Variants in GHR observed in about 807,000 individuals in gnomAD.
GHR encodes growth hormone receptor.
GHR carries 35 observed loss-of-function variants against 67.1 expected under a neutral mutation model. The ratio of observed to expected loss-of-function variants is 0.52; its 90% confidence interval spans 0.40 to 0.69. The LOEUF (loss-of-function observed/expected upper bound fraction) is 0.69, where lower values mean the gene tolerates loss of function less well. GHR is among the 30% of genes least tolerant of loss of function. GHR has a pLI of 0.00. For synonymous variants in GHR, 272 were observed against 269.1 expected (o/e 1.01, Z -0.10); for missense variants, 792 against 764.6 (o/e 1.04, Z -0.42).
At chr5:42,641,864 G>T (rs1315403975) in intron 3 of GHR, among the ~76,000 whole-genome samples, 7 of 152,082 alleles carry the variant, frequency 4.6e-5, no homozygotes, top group Non-Finnish European at 1.0e-4. Context: ...TTCCTGTCCT[G>T]CAAACCTCTG....
At chr5:42,636,496 C>G (rs1043601607) in intron 3 of GHR, among the ~76,000 whole-genome samples, 1 of 152,004 alleles carries the variant, frequency 6.6e-6, no homozygotes, top group Non-Finnish European at 1.5e-5. Context: ...AGCTTGTAGC[C>G]CACTGATTTG....
At chr5:42,660,271 T>C (rs1477053776) in intron 3 of GHR, among the ~76,000 whole-genome samples, 3 of 152,188 alleles carry the variant, frequency 2.0e-5, no homozygotes, top group Admixed American at 1.3e-4. Context: ...TCTCCCAGCA[T>C]GCAGCTGGAG....
chr5:42,495,605 C>T (rs994195069), intron 1 of GHR, among the ~76,000 whole-genome samples: 2 of 152,056 alleles, frequency 1.3e-5, no homozygotes, highest in Non-Finnish European at 2.9e-5. Context: ...AAAAAAAATG[C>T]ACTGGTGTCA....
At chr5:42,431,513 G>C (rs1743093941) in intron 1 of GHR, among the ~76,000 whole-genome samples, 1 of 152,174 alleles carries the variant, frequency 6.6e-6, no homozygotes, top group African/African-American at 2.4e-5. Flanking sequence ...GTCAGAAATT[G>C]CTGGCTGCAT....
chr5:42,611,942 A>C (rs1010151557), intron 2 of GHR, among the ~76,000 whole-genome samples: 1 of 152,116 alleles, frequency 6.6e-6, no homozygotes, highest in Non-Finnish European at 1.5e-5. Flanking sequence ...CTATATACTA[A>C]ATGTGTTTGT....
chr5:42,502,550 A>G (rs552704896), intron 1 of GHR, among the ~76,000 whole-genome samples: 4 of 152,114 alleles, frequency 2.6e-5, no homozygotes, highest in African/African-American at 9.6e-5. Context: ...TGGAACTTGA[A>G]AGGAATAATG....
chr5:42,477,967 G>A (rs1293990432), intron 1 of GHR, among the ~76,000 whole-genome samples: 2 of 151,838 alleles, frequency 1.3e-5, no homozygotes, highest in African/African-American at 4.8e-5. Context: ...CCATGCCTAT[G>A]TCCTGAATGG....
intron 3 of GHR, among the ~76,000 whole-genome samples, chr5:42,655,153 G>T (rs998893916): frequency 5.3e-5 from 8 of 152,248 alleles, no homozygotes; most frequent in African/African-American, 1.9e-4. Flanking sequence ...TTCATTATGA[G>T]AATAAGTGCT....
chr5:42,611,443 C>G (rs180858357), intron 2 of GHR, among the ~76,000 whole-genome samples: 4 of 152,286 alleles, frequency 2.6e-5, no homozygotes, highest in African/African-American at 7.2e-5. Flanking sequence ...CCACCACTAT[C>G]TCTTTGTTCA....
intron 1 of GHR, among the ~76,000 whole-genome samples, chr5:42,507,243 G>A (rs940579396): frequency 7.2e-5 from 11 of 152,192 alleles, no homozygotes; most frequent in African/African-American, 2.7e-4. Flanking sequence ...TTTCAGTGAA[G>A]GTTACCATTA....
chr5:42,650,576 A>ACATATATATATATATAT (rs1238563261), intron 3 of GHR, among the ~76,000 whole-genome samples: 29 of 53,352 alleles, frequency 5.4e-4, no homozygotes, highest in African/African-American at 2.2e-3. Flanking sequence ...TTTTACAGAT[A>ACATATATATATATATAT]ACATATATAT....
chr5:42,548,451 A>T, intron 1 of GHR: 4 of 985,092 alleles, frequency 4.1e-6, no homozygotes, highest in Middle Eastern at 5.2e-4. Context: ...AAGGAAATTT[A>T]AAAAGTTCTT....
At chr5:42,590,240 T>C (rs1347797265) in intron 2 of GHR, among the ~76,000 whole-genome samples, 1 of 152,206 alleles carries the variant, frequency 6.6e-6, no homozygotes, top group African/African-American at 2.4e-5. Flanking sequence ...AGTATTAAGC[T>C]AGAGACAACT....
chr5:42,549,539 C>A, intron 1 of GHR: 1 of 300,988 alleles, frequency 3.3e-6, no homozygotes, highest in Non-Finnish European at 4.9e-6. Flanking sequence ...GTTGAAATGT[C>A]CTTGAGCTGA....
intron 3 of GHR, among the ~76,000 whole-genome samples, chr5:42,661,164 A>T (rs1182220846): frequency 6.6e-6 from 1 of 152,232 alleles, no homozygotes; most frequent in East Asian, 1.9e-4. Flanking sequence ...AATGGAACCA[A>T]GTTGGAAAAC....
intron 6 of GHR, among the ~76,000 whole-genome samples, chr5:42,702,371 C>A (rs1256023319): frequency 6.6e-6 from 1 of 152,062 alleles, no homozygotes; most frequent in Non-Finnish European, 1.5e-5. Flanking sequence ...TCACAAGTGA[C>A]AGGATATCCT....
intron 1 of GHR, among the ~76,000 whole-genome samples, chr5:42,436,172 C>T (rs1743314862): frequency 6.6e-6 from 1 of 152,194 alleles, no homozygotes; most frequent in Non-Finnish European, 1.5e-5. Flanking sequence ...GGCACATAGC[C>T]TTGAGTAACT....
chr5:42,498,486 G>T (rs1409754720), intron 1 of GHR, among the ~76,000 whole-genome samples: 1 of 152,172 alleles, frequency 6.6e-6, no homozygotes, highest in African/African-American at 2.4e-5. Context: ...TTGGAAAACT[G>T]AGACTCAGAG....
intron 1 of GHR, among the ~76,000 whole-genome samples, chr5:42,524,146 C>T (rs982781009): frequency 1.3e-5 from 2 of 152,132 alleles, no homozygotes; most frequent in African/African-American, 2.4e-5. Context: ...AACTGGGTAA[C>T]TGGCAGAGTT....
Sources: allele counts gnomAD v4.1 joint callset (sites outside exome capture counted in the v4.1 genomes callset), GRCh38; gene constraint gnomAD v4.1.1; transcripts MANE v1.5; gene names NCBI Gene and HGNC (gene_info 2026-07-23, HGNC 2026-07-21).